RGS6: variants seen among roughly 807,000 people sequenced by gnomAD.
RGS6 encodes regulator of G protein signaling 6.
Under a neutral mutation model 78.5 loss-of-function variants are expected in RGS6, and 30 were observed. That is an observed-to-expected ratio of 0.38 (90% CI 0.29 to 0.52). The LOEUF is 0.52. Ranked by LOEUF, RGS6 falls within the 20% of genes least tolerant of loss-of-function variation. RGS6 has a pLI of 0.85. For synonymous variants in RGS6, 206 were observed against 206.0 expected (o/e 1.00, Z 0.00); for missense variants, 495 against 609.7 (o/e 0.81, Z 1.98).
intron 16 of RGS6, among the ~76,000 whole-genome samples, chr14:72,539,484 G>A (rs1284314139): frequency 6.6e-6 from 1 of 152,156 alleles, no homozygotes; most frequent in Admixed American, 6.5e-5. Flanking sequence ...GGCTGCCTCT[G>A]GGCAGGGGAA....
At chr14:71,989,679 G>A (rs894354917) in intron 2 of RGS6, among the ~76,000 whole-genome samples, 1 of 152,208 alleles carries the variant, frequency 6.6e-6, no homozygotes, top group African/African-American at 2.4e-5. Context: ...CAGGTCTTTG[G>A]GAATAGAGCT....
intron 2 of RGS6, among the ~76,000 whole-genome samples, chr14:72,040,155 T>G (rs948544269): frequency 5.9e-5 from 9 of 152,170 alleles, no homozygotes; most frequent in African/African-American, 2.2e-4. Context: ...TACCAGAATT[T>G]AAAATGACAT....
intron 2 of RGS6, among the ~76,000 whole-genome samples, chr14:72,347,268 A>G (rs1305272690): frequency 6.6e-6 from 1 of 152,184 alleles, no homozygotes; most frequent in African/African-American, 2.4e-5. Flanking sequence ...ATACCTTCCC[A>G]TCACCCCATC....
At chr14:72,251,693 A>G (rs2055827228) in intron 2 of RGS6, among the ~76,000 whole-genome samples, 1 of 152,122 alleles carries the variant, frequency 6.6e-6, no homozygotes, top group African/African-American at 2.4e-5. Flanking sequence ...AACAATCGAC[A>G]CCAGGGACTA....
intron 2 of RGS6, among the ~76,000 whole-genome samples, chr14:72,204,969 C>T (rs1437450753): frequency 1.3e-5 from 2 of 152,218 alleles, no homozygotes; most frequent in Non-Finnish European, 2.9e-5. Context: ...CAGGGTTTTC[C>T]TGCACGGCTT....
At chr14:72,309,115 C>A (rs1426295290) in intron 2 of RGS6, among the ~76,000 whole-genome samples, 3 of 152,164 alleles carry the variant, frequency 2.0e-5, no homozygotes, top group African/African-American at 7.2e-5. Flanking sequence ...GCTCCCCACA[C>A]CCCTCCTTGC....
chr14:72,297,412 A>ATATTATTATTAT (rs35789414), intron 2 of RGS6, among the ~76,000 whole-genome samples: 1 of 145,520 alleles, frequency 6.9e-6, no homozygotes, highest in African/African-American at 2.7e-5. Flanking sequence ...AACATGGTAT[A>ATATTATTATTAT]TATTATTATT....
chr14:72,350,293 T>A (rs2078870831), intron 2 of RGS6, among the ~76,000 whole-genome samples: 1 of 152,148 alleles, frequency 6.6e-6, no homozygotes, highest in South Asian at 2.1e-4. Flanking sequence ...GGAGGCAGAA[T>A]GGCTCAGGGG....
the RGS6 span, among the ~76,000 whole-genome samples, chr14:71,890,493 C>A: frequency 6.6e-6 from 1 of 152,050 alleles, no homozygotes; most frequent in Non-Finnish European, 1.5e-5. Flanking sequence ...CTGTCAGATG[C>A]TTTTGATGAG....
At chr14:72,007,943 G>A (rs2084905709) in intron 2 of RGS6, among the ~76,000 whole-genome samples, 1 of 152,180 alleles carries the variant, frequency 6.6e-6, no homozygotes, top group Admixed American at 6.5e-5. Flanking sequence ...GGACCACCAA[G>A]TGTCAACAAG....
intron 2 of RGS6, among the ~76,000 whole-genome samples, chr14:72,214,523 C>G (rs113535368): frequency 6.6e-6 from 1 of 152,090 alleles, no homozygotes. Flanking sequence ...ACAATGCAGG[C>G]GTCTGACCAT....
the RGS6 span, among the ~76,000 whole-genome samples, chr14:71,917,343 G>A: frequency 3.9e-5 from 6 of 152,252 alleles, no homozygotes; most frequent in South Asian, 1.0e-3. Flanking sequence ...AGGCTGCCTG[G>A]TGGAGGTCAC....
chr14:71,956,330 A>AGTGT (rs113351320), intron 1 of RGS6, among the ~76,000 whole-genome samples: 18 of 74,356 alleles, frequency 2.4e-4, no homozygotes, highest in Non-Finnish European at 2.9e-4. Flanking sequence ...CAGAACTAAT[A>AGTGT]GTGTGTGTGT....
chr14:72,165,780 T>C (rs1301517050), intron 2 of RGS6, among the ~76,000 whole-genome samples: 1 of 152,166 alleles, frequency 6.6e-6, no homozygotes, highest in African/African-American at 2.4e-5. Context: ...TCATTCTTTA[T>C]TGTGCCTGTT....
At chr14:72,181,018 T>C (rs970762284) in intron 2 of RGS6, among the ~76,000 whole-genome samples, 5 of 152,184 alleles carry the variant, frequency 3.3e-5, no homozygotes, top group Non-Finnish European at 2.9e-5. Flanking sequence ...ACTCTCTCCT[T>C]CTATTTGTAT....
chr14:72,483,346 A>G (rs568056987), intron 12 of RGS6, among the ~76,000 whole-genome samples: 1 of 152,186 alleles, frequency 6.6e-6, no homozygotes, highest in African/African-American at 2.4e-5. Context: ...TCCTCACCCT[A>G]TTACTGGGAG....
intron 2 of RGS6, among the ~76,000 whole-genome samples, chr14:72,139,571 GAA>G (rs140522980): frequency 6.6e-6 from 1 of 151,816 alleles, no homozygotes; most frequent in Non-Finnish European, 1.5e-5. Context: ...AAGCAAAGAA[GAA>G]AAAAAATACT....
In RGS6 at chr14:71,983,283, T is replaced by C. The variant is rs80307237; in HGVS notation, c.84+18408T>C. Among the ~76,000 whole-genome samples the C allele has an allele frequency of 2.9e-3, 438 of 152,320 alleles. 1 individual carries two copies. Among genetic ancestry groups the C allele is most frequent in the African/African-American group, 7.1e-3 (297 of 41,580 alleles). On this transcript the variant is annotated intron_variant, in intron 2 of 17. Transcript: ENST00000553525. ...AAATCCAGGCAAATACCTCTACGTA[T>C]GAAATGGACCTGAAAAGAAGCTTTA...
chr14:71,884,000 T>C, the RGS6 span, among the ~76,000 whole-genome samples: 19 of 152,368 alleles, frequency 1.2e-4, no homozygotes, highest in Admixed American at 2.6e-4. Flanking sequence ...GCTCTGCCTA[T>C]GGAGTAGCCA....
Sources: gnomAD v4.1 joint callset for allele counts (sites outside exome capture counted in the v4.1 genomes callset) on GRCh38, gnomAD v4.1.1 for gene constraint, MANE v1.5 for transcripts, NCBI Gene and HGNC (gene_info 2026-07-23, HGNC 2026-07-21) for gene names.